SH3PXD2B: variants seen among roughly 807,000 people sequenced by gnomAD.
The protein encoded by SH3PXD2B is SH3 and PX domain-containing protein 2B.
In SH3PXD2B, 37 loss-of-function variants were observed where a neutral mutation model predicts 73.1. The observed-to-expected ratio is 0.51, with a 90% CI of 0.39 to 0.67. SH3PXD2B has a LOEUF of 0.67. SH3PXD2B is among the 30% of genes least tolerant of loss of function. SH3PXD2B has a pLI of 0.00. For synonymous variants in SH3PXD2B, 457 were observed against 480.5 expected (o/e 0.95, Z 0.64); for missense variants, 1,053 against 1,197.8 (o/e 0.88, Z 1.78).
chr5:172,431,326 C>G (rs1051623890), intron 1 of SH3PXD2B, among the ~76,000 whole-genome samples: 1 of 152,234 alleles, frequency 6.6e-6, no homozygotes, highest in Non-Finnish European at 1.5e-5. Flanking sequence ...AACCCGGAGC[C>G]GTGCTCCAAA....
intron 7 of SH3PXD2B, 152 bp downstream of exon 7, chr5:172,362,583 A>C: frequency 9.3e-7 from 1 of 1,072,328 alleles, no homozygotes; most frequent in East Asian, 2.4e-5. Flanking sequence ...CACAGTGATC[A>C]AACAGGGGCC....
chr5:172,423,886 A>G (rs34823982), intron 1 of SH3PXD2B, among the ~76,000 whole-genome samples: 71,235 of 151,916 alleles, frequency 0.47, 18,760 homozygotes, highest in African/African-American at 0.71. Flanking sequence ...CAAGTGATCC[A>G]CCTATGTCGG....
At position 172,454,440 on chromosome 5, in the gene SH3PXD2B, G is replaced by T. The variant is rs1759887311; in HGVS notation, c.-88C>A. The T allele has an allele frequency of 2.4e-6, 2 of 816,664 alleles. No individual in the cohort carries two copies. The highest frequency in any genetic ancestry group is 5.7e-5 in the South Asian group (1 of 17,598). 50.6% of individuals were successfully genotyped at this position (816,664 alleles called of 1,614,324 possible). On this transcript the variant is annotated 5_prime_UTR_variant, in exon 1 of 13. Transcript: ENST00000311601. ...CTGGGGGCGCGCCGCCGCGGGCAGG[G>T]AACCTGGAGCTGAGCGCAATCGCAG...
intron 11 of SH3PXD2B, among the ~76,000 whole-genome samples, chr5:172,346,891 G>C (rs1159164696): frequency 6.6e-6 from 1 of 152,192 alleles, no homozygotes; most frequent in East Asian, 1.9e-4. Flanking sequence ...TGGCTAAAAA[G>C]GTACCTAGAG....
intron 7 of SH3PXD2B, 26 bp from the exon 8 acceptor site, chr5:172,358,903 T>C (rs758897792): frequency 8.2e-5 from 132 of 1,605,998 alleles, no homozygotes; most frequent in Non-Finnish European, 1.1e-4. Context: ...TGCAGAATGA[T>C]GTTAGTTGCA....
intron 4 of SH3PXD2B, among the ~76,000 whole-genome samples, chr5:172,382,354 C>T (rs930765693): frequency 1.3e-5 from 2 of 152,060 alleles, no homozygotes; most frequent in Non-Finnish European, 1.5e-5. Context: ...ACCCAAAAAG[C>T]AAAGGAAGGA....
At chr5:172,394,763 G>T (rs756099386) in intron 3 of SH3PXD2B, 124 bp from the exon 4 acceptor site, 8 of 942,922 alleles carry the variant, frequency 8.5e-6, no homozygotes, top group African/African-American at 6.5e-5. Flanking sequence ...TCCTGGCTGC[G>T]ATCAAGGTAC....
intron 2 of SH3PXD2B, among the ~76,000 whole-genome samples, chr5:172,408,148 G>C (rs1386986779): frequency 6.6e-6 from 1 of 151,954 alleles, no homozygotes. Flanking sequence ...TTAAACTGTG[G>C]GTTTTTTTTT....
In SH3PXD2B at chr5:172,334,088, C is replaced by T; in HGVS notation, c.*4281G>A. 1.8e-6 allele frequency: 2 copies of T among 1,136,882 alleles called. No homozygotes were observed. The highest frequency in any genetic ancestry group is 1.9e-5 in the South Asian group (1 of 52,928). The allele number at this position is 1,136,882 out of a possible 1,614,324, so 70.4% of individuals were successfully genotyped here. On this transcript the variant is annotated 3_prime_UTR_variant, in exon 13 of 13. Coordinates refer to ENST00000311601, the MANE Select transcript of SH3PXD2B (RefSeq NM_001017995.3). ...TGAGGACAGAAGAGGTTGAGCCCCT[C>T]ATCCCTGATTGGAGCTAAGAAGGCT... is the stretch of plus-strand genomic sequence containing the variant.
intron 1 of SH3PXD2B, among the ~76,000 whole-genome samples, chr5:172,425,933 T>C (rs965694686): frequency 6.6e-6 from 1 of 152,166 alleles, no homozygotes; most frequent in African/African-American, 2.4e-5. Context: ...GGGAAAATAC[T>C]GTACCAAAGG....
chr5:172,347,132 G>T, intron 11 of SH3PXD2B, 151 bp downstream of exon 11: 1 of 776,110 alleles, frequency 1.3e-6, no homozygotes, highest in Non-Finnish European at 2.1e-6. Flanking sequence ...CTGCGAGTGG[G>T]ACTAGCATTT....
chr5:172,340,751 C>T (rs951761656), intron 12 of SH3PXD2B, among the ~76,000 whole-genome samples: 6 of 152,182 alleles, frequency 3.9e-5, no homozygotes, highest in Non-Finnish European at 2.9e-5. Context: ...TGTACCACCA[C>T]ACCTGGCTAA....
chr5:172,414,878 C>A (rs1758784614), intron 2 of SH3PXD2B, among the ~76,000 whole-genome samples: 1 of 152,186 alleles, frequency 6.6e-6, no homozygotes. Context: ...TGCACCTCTG[C>A]ACCTTTGCAC....
Position 172,339,314 on chromosome 5 carries a change from C to A in SH3PXD2B, c.1791G>T (p.Glu597Asp). 6.2e-7 allele frequency: 1 copy of A among 1,614,214 alleles called. No homozygotes were observed. The highest frequency in any genetic ancestry group is 8.5e-7 in the Non-Finnish European group (1 of 1,180,038). ...LFQLKNDMGLECGHKVLAKEV... is the reference protein window; with the variant it reads ...LFQLKNDMGLDCGHKVLAKEV... The stretch of plus-strand genomic sequence containing the variant: ...CCTTGGCCAAGACCTTGTGGCCACA[C>A]TCCAGCCCCATGTCATTTTTCAGCT... The change falls in exon 13 of 13, where the codon GAG becomes GAT. Residue 597 changes from glutamate (E) to aspartate (D), a missense_variant. Coordinates refer to ENST00000311601, the MANE Select transcript of SH3PXD2B (RefSeq NM_001017995.3). The surrounding 1 kb of genome is among the most constrained non-coding windows in gnomAD (Gnocchi z 6.1).
chr5:172,337,377 T>C lies in SH3PXD2B; in HGVS notation c.*992A>G. ...CCTGGACTCAAATCCTCTTCCCTCT[T>C]CCTCCTGGCTGGTGTGTCCTTGGGC... On this transcript the variant is annotated 3_prime_UTR_variant, in exon 13 of 13. Coordinates refer to ENST00000311601, the MANE Select transcript of SH3PXD2B (RefSeq NM_001017995.3). 4 of 983,830 alleles carry C rather than the reference T, an allele frequency of 4.1e-6. 1 individual carries two copies. Among genetic ancestry groups the C allele is most frequent in the Non-Finnish European group, 4.8e-6 (4 of 828,464 alleles). 60.9% of individuals were successfully genotyped at this position (983,830 alleles called of 1,614,324 possible).
chr5:172,368,865 G>A (rs112677296), intron 6 of SH3PXD2B, among the ~76,000 whole-genome samples: 7,345 of 113,642 alleles, frequency 0.065, 262 homozygotes, highest in South Asian at 0.24. Context: ...ATATATATAT[G>A]TTTTTAAATA....
At chr5:172,341,809 C>A (rs890017249) in intron 12 of SH3PXD2B, among the ~76,000 whole-genome samples, 1 of 151,944 alleles carries the variant, frequency 6.6e-6, no homozygotes, top group African/African-American at 2.4e-5. Context: ...TGCCACCGTG[C>A]CCGGCTAATT....
At chr5:172,364,933 G>A (rs1757481883) in intron 6 of SH3PXD2B, among the ~76,000 whole-genome samples, 1 of 152,214 alleles carries the variant, frequency 6.6e-6, no homozygotes, top group Non-Finnish European at 1.5e-5. Context: ...TCTGCAACCA[G>A]AAGCAGCACA....
Position 172,337,643 on chromosome 5 carries a change from G to A in SH3PXD2B, c.*726C>T. The stretch of plus-strand genomic sequence containing the variant: ...TCATTGAAAAGCCCTGGAGGGACCG[G>A]AGCCTGCAGCAGCAAAGCGCAGCAT... On this transcript the variant is annotated 3_prime_UTR_variant, in exon 13 of 13. Coordinates refer to ENST00000311601, the MANE Select transcript of SH3PXD2B (RefSeq NM_001017995.3). 1 of 986,300 alleles carries A rather than the reference G, an allele frequency of 1.0e-6. No individual in the cohort carries two copies. The highest frequency in any genetic ancestry group is 1.2e-6 in the Non-Finnish European group (1 of 830,578). 61.1% of individuals were successfully genotyped at this position (986,300 alleles called of 1,614,324 possible).
Sources: allele counts gnomAD v4.1 joint callset (sites outside exome capture counted in the v4.1 genomes callset), GRCh38; gene constraint gnomAD v4.1.1; non-coding constraint Gnocchi (gnomAD v3.1); transcripts MANE v1.5; gene names NCBI Gene and HGNC (gene_info 2026-07-23, HGNC 2026-07-21).